The following AEBP2 variants were observed in gnomAD, a reference collection of about 807,000 sequenced individuals.
AEBP2 encodes the protein AE binding protein 2.
AEBP2 carries 10 observed loss-of-function variants against 50.8 expected under a neutral mutation model. The ratio of observed to expected loss-of-function variants is 0.20; its 90% confidence interval spans 0.12 to 0.33. The LOEUF (loss-of-function observed/expected upper bound fraction) is 0.33, where lower values mean the gene tolerates loss of function less well. Among genes scored for constraint, AEBP2 ranks in the 10% least tolerant of loss-of-function variants. The pLI, the probability that AEBP2 is intolerant of heterozygous loss-of-function variation, is 1.00. For synonymous variants in AEBP2, 296 were observed against 261.3 expected (o/e 1.13, Z -1.28); for missense variants, 570 against 688.0 (o/e 0.83, Z 1.92).
At chr12:19,421,749 T>C (rs750669251) in intron 1 of AEBP2, among the ~76,000 whole-genome samples, 1 of 152,212 alleles carries the variant, frequency 6.6e-6, no homozygotes, top group Non-Finnish European at 1.5e-5. Flanking sequence ...TGTAGTTAGT[T>C]GTTTGATGGT....
At chr12:19,418,342 A>G (rs1266207387) in intron 1 of AEBP2, among the ~76,000 whole-genome samples, 3 of 150,308 alleles carry the variant, frequency 2.0e-5, no homozygotes, top group African/African-American at 7.3e-5. Context: ...CTCCCACCTC[A>G]GCCTCCTGAG....
intron 1 of AEBP2, among the ~76,000 whole-genome samples, chr12:19,433,002 A>G (rs953865984): frequency 9.9e-5 from 15 of 152,156 alleles, no homozygotes; most frequent in African/African-American, 3.6e-4. Context: ...GGCAACTTAC[A>G]ATTACCTATA....
intron 1 of AEBP2, among the ~76,000 whole-genome samples, chr12:19,452,324 C>T (rs1448127798): frequency 1.3e-5 from 2 of 150,446 alleles, no homozygotes; most frequent in Non-Finnish European, 3.0e-5. Context: ...AATACGATCT[C>T]ACACAAGCAC....
chr12:19,487,286 T>C (rs1431316347), intron 3 of AEBP2, among the ~76,000 whole-genome samples: 4 of 151,796 alleles, frequency 2.6e-5, no homozygotes, highest in African/African-American at 9.7e-5. Context: ...TTTCAGGTAT[T>C]TTTTTTTAAG....
intron 3 of AEBP2, among the ~76,000 whole-genome samples, chr12:19,479,748 T>TTTTTTTTTTTTTTTTTTA (rs1328091956): frequency 8.8e-6 from 1 of 114,250 alleles, no homozygotes; most frequent in Non-Finnish European, 1.8e-5. Context: ...TTTTTTTTTT[T>TTTTTTTTTTTTTTTTTTA]ACTATTGTTG....
At chr12:19,422,907 T>C (rs1349134786) in intron 1 of AEBP2, among the ~76,000 whole-genome samples, 3 of 150,120 alleles carry the variant, frequency 2.0e-5, no homozygotes, top group Non-Finnish European at 4.4e-5. Context: ...CTACTAAAAA[T>C]ACAAAATATT....
intron 2 of AEBP2, among the ~76,000 whole-genome samples, chr12:19,470,522 C>T (rs943311885): frequency 2.6e-5 from 4 of 152,194 alleles, no homozygotes; most frequent in African/African-American, 2.4e-5. Flanking sequence ...GATCTCTTTA[C>T]GCCTACTTCA....
At position 19,519,366 on chromosome 12, in the gene AEBP2, C is replaced by G. The variant is rs1565742161; in HGVS notation, c.*1249C>G. 2 of 152,540 alleles carry G rather than the reference C, an allele frequency of 1.3e-5. No individual in the cohort carries two copies. The highest frequency in any genetic ancestry group is 2.9e-5 in the Non-Finnish European group (2 of 67,982). The allele number at this position is 152,540 out of a possible 1,614,324, so 9.4% of individuals were successfully genotyped here. A position where few individuals can be genotyped will look rare whatever the true frequency, so the allele number is the denominator to read the frequency against. Reference sequence around the variant, plus strand: ...GAGGAATTGTTAATAAAAGCACCTTCTTTAACAATAAATGTCTTTCACAGA... The same window carrying G: ...GAGGAATTGTTAATAAAAGCACCTTGTTTAACAATAAATGTCTTTCACAGA... On this transcript the variant is annotated 3_prime_UTR_variant, in exon 8 of 8. Transcript: ENST00000266508.
At chr12:19,517,884 G>A (rs1949343161) in intron 7 of AEBP2, among the ~76,000 whole-genome samples, 1 of 152,186 alleles carries the variant, frequency 6.6e-6, no homozygotes, top group Non-Finnish European at 1.5e-5. Flanking sequence ...TGCACTAGCA[G>A]GCTACATTTA....
At chr12:19,510,568 G>A (rs116899620) in intron 5 of AEBP2, among the ~76,000 whole-genome samples, 3,276 of 152,216 alleles carry the variant, frequency 0.022, 41 homozygotes, top group East Asian at 0.042. Flanking sequence ...TGAAGCGTAC[G>A]TAACTTAAAC....
chr12:19,409,349 C>T (rs1287967173), intron 1 of AEBP2, among the ~76,000 whole-genome samples: 1 of 68,536 alleles, frequency 1.5e-5, no homozygotes, highest in Non-Finnish European at 3.1e-5. Flanking sequence ...AGCATTTGTG[C>T]TAAAAAAAAA....
chr12:19,457,412 T>C lies in AEBP2; in HGVS notation c.672-5098T>C, dbSNP rs368470674. On this transcript the variant is annotated intron_variant, in intron 1 of 7. Coordinates refer to ENST00000266508, the MANE Select transcript of AEBP2 (RefSeq NM_153207.5). Reference sequence around the variant, plus strand: ...TCACGTAGCACTTGCTGTTCTCAAATTTCCACAAGGAGGTATTAATGGTGA... The same window carrying C: ...TCACGTAGCACTTGCTGTTCTCAAACTTCCACAAGGAGGTATTAATGGTGA... 4.7e-6 allele frequency: 7 copies of C among 1,489,068 alleles called. No individual in the cohort carries two copies. In the African/African-American group the frequency reaches 8.3e-5, roughly 18 times the overall value. 92.2% of individuals were successfully genotyped at this position (1,489,068 alleles called of 1,614,324 possible).
intron 1 of AEBP2, among the ~76,000 whole-genome samples, chr12:19,425,728 TGC>T (rs2095748189): frequency 1.4e-5 from 2 of 142,270 alleles, no homozygotes; most frequent in Admixed American, 1.5e-4. Flanking sequence ...GCCGAGATCC[TGC>T]CACTGCACTC....
intron 3 of AEBP2, among the ~76,000 whole-genome samples, chr12:19,487,018 A>G (rs980563148): frequency 1.3e-5 from 2 of 152,036 alleles, no homozygotes; most frequent in Admixed American, 6.6e-5. Flanking sequence ...TGTTTCAGCA[A>G]TTTGCAATGA....
At chr12:19,479,909 G>C (rs1400693927) in intron 3 of AEBP2, among the ~76,000 whole-genome samples, 10 of 151,678 alleles carry the variant, frequency 6.6e-5, no homozygotes, top group Non-Finnish European at 1.3e-4. Context: ...CAGATACTTG[G>C]TTGGTGGAAT....
At chr12:19,436,642 A>G (rs1432057858), upstream of AEBP2, among the ~76,000 whole-genome samples, 6 of 150,058 alleles carry the variant, frequency 4.0e-5, no homozygotes, top group Admixed American at 6.7e-5. Context: ...CTGGAGTGCA[A>G]TGGCTCTTGA....
At chr12:19,494,224 T>A (rs1948936780) in intron 4 of AEBP2, among the ~76,000 whole-genome samples, 1 of 152,192 alleles carries the variant, frequency 6.6e-6, no homozygotes, top group African/African-American at 2.4e-5. Context: ...ACTCTGATTC[T>A]CTTCCAAAAT....
intron 1 of AEBP2, among the ~76,000 whole-genome samples, chr12:19,433,871 G>C (rs1251741859): frequency 6.6e-6 from 1 of 152,026 alleles, no homozygotes; most frequent in Non-Finnish European, 1.5e-5. Flanking sequence ...ATTTGAGATG[G>C]AGTCTCGCTC....
intron 1 of AEBP2, among the ~76,000 whole-genome samples, chr12:19,429,864 A>G (rs1320842674): frequency 3.3e-5 from 5 of 151,592 alleles, no homozygotes; most frequent in African/African-American, 1.2e-4. Context: ...TTCATTGTAC[A>G]TTCTGAATAT....
Sources: allele counts gnomAD v4.1 joint callset (sites outside exome capture counted in the v4.1 genomes callset), GRCh38; gene constraint gnomAD v4.1.1; transcripts MANE v1.5; gene names NCBI Gene and HGNC (gene_info 2026-07-23, HGNC 2026-07-21).